The following SMIM8 variants were observed in gnomAD, a reference collection of about 807,000 sequenced individuals.
SMIM8 encodes the protein UPF0708 protein C6orf162.
In SMIM8, 8 loss-of-function variants were observed where a neutral mutation model predicts 8.1. That is an observed-to-expected ratio of 0.99 (90% CI 0.58 to 1.78). SMIM8 has a LOEUF of 1.78. Among genes scored for constraint, SMIM8 ranks in the 40% most tolerant of loss-of-function variants. SMIM8 has a pLI of 0.00. For synonymous variants in SMIM8, 45 were observed against 39.7 expected, an observed-to-expected ratio of 1.13 and a Z score of -0.50; for missense variants, 126 against 119.8, an observed-to-expected ratio of 1.05 and a Z score of -0.24.
intron 1 of SMIM8, among the ~76,000 whole-genome samples, chr6:87,329,464 G>A (rs952720576): frequency 1.3e-5 from 2 of 152,056 alleles, no homozygotes; most frequent in African/African-American, 4.8e-5. Flanking sequence ...TAGTAGAGAC[G>A]GGGTTTCACC....
intron 2 of SMIM8, among the ~76,000 whole-genome samples, chr6:87,334,069 A>G (rs973519901): frequency 2.3e-4 from 35 of 152,290 alleles, no homozygotes; most frequent in Non-Finnish European, 4.7e-4. Context: ...GAAGTGTCAC[A>G]CTTAAACAAC....
chr6:87,341,608 G>A lies in SMIM8; in HGVS notation c.*1334G>A. 3.7e-6 allele frequency: 1 copy of A among 272,146 alleles called. No individual in the cohort carries two copies. Among genetic ancestry groups the A allele is most frequent in the Non-Finnish European group, 6.8e-6 (1 of 147,288 alleles). 16.9% of individuals were successfully genotyped at this position (272,146 alleles called of 1,614,324 possible). A position where few individuals can be genotyped will look rare whatever the true frequency, so the allele number is the denominator to read the frequency against. On this transcript the variant is annotated 3_prime_UTR_variant, in exon 4 of 4. Transcript: ENST00000392863. ...AAGTAATAATAACAGCACAGGCAGAGTTTATCATAATGTTATTTTTAATTT... is the reference window on the plus strand; with the variant it reads ...AAGTAATAATAACAGCACAGGCAGAATTTATCATAATGTTATTTTTAATTT...
At chr6:87,336,461 A>G (rs1438704749) in intron 2 of SMIM8, among the ~76,000 whole-genome samples, 1 of 152,192 alleles carries the variant, frequency 6.6e-6, no homozygotes, top group Non-Finnish European at 1.5e-5. Context: ...GTAAGTACAA[A>G]CAGCTCCTTA....
At chr6:87,329,814 G>T (rs548898668) in intron 1 of SMIM8, among the ~76,000 whole-genome samples, 23 of 152,226 alleles carry the variant, frequency 1.5e-4, no homozygotes, top group Non-Finnish European at 3.1e-4. Context: ...ACATCTCCTT[G>T]GGTCTGGGTT....
At chr6:87,327,679 C>T (rs1776862977) in intron 1 of SMIM8, among the ~76,000 whole-genome samples, 2 of 149,698 alleles carry the variant, frequency 1.3e-5, no homozygotes, top group African/African-American at 4.9e-5. Context: ...TCTCTGGCTG[C>T]CCTTAACATT....
chr6:87,325,750 G>A (rs570336762), intron 1 of SMIM8, among the ~76,000 whole-genome samples: 21 of 152,236 alleles, frequency 1.4e-4, no homozygotes, highest in African/African-American at 3.9e-4. Flanking sequence ...GTCTCTGCCC[G>A]GCTTTCATAT....
intron 3 of SMIM8, among the ~76,000 whole-genome samples, chr6:87,337,638 G>A (rs1777141438): frequency 6.6e-6 from 1 of 152,146 alleles, no homozygotes; most frequent in Admixed American, 6.6e-5. Context: ...TTGATTTGAT[G>A]ATATTCATTT....
rs1777244278 is a variant in SMIM8 at position 87,341,894 on chromosome 6, C to A, written c.*1620C>A. ...TTTTGGCTATCACAAAACTAGGGTT[C>A]TTCTGTTTTTAACTTATGCATTTAA... On this transcript the variant is annotated 3_prime_UTR_variant, in exon 4 of 4. Coordinates refer to ENST00000392863, the MANE Select transcript of SMIM8 (RefSeq NM_001042493.3). The A allele has an allele frequency of 6.6e-6, 1 of 152,098 alleles. No individual in the cohort carries two copies. The highest frequency in any genetic ancestry group is 2.4e-5 in the African/African-American group (1 of 41,420). The allele number at this position is 152,098 out of a possible 1,614,324, so 9.4% of individuals were successfully genotyped here.
rs1399444799 is a variant in SMIM8, at chr6:87,340,275, T to C, written c.*1T>C. On this transcript the variant is annotated 3_prime_UTR_variant, in exon 4 of 4. Transcript: ENST00000392863. The stretch of plus-strand genomic sequence containing the variant: ...GCGGAAAACATCCAAATGGGATTAG[T>C]AGTGCTGGTTAGTGCAGATGGACCT... The C allele has an allele frequency of 6.3e-6, 10 of 1,578,238 alleles. No homozygotes were observed. The South Asian group carries it at 1.2e-4, about 19-fold the overall frequency.
At chr6:87,336,072 G>T (rs1777108813) in intron 2 of SMIM8, among the ~76,000 whole-genome samples, 2 of 152,102 alleles carry the variant, frequency 1.3e-5, no homozygotes, top group African/African-American at 4.8e-5. Context: ...GTGTGTTTAA[G>T]TATGAATGTT....
chr6:87,340,161 G>T lies in SMIM8; in HGVS notation c.181G>T (p.Val61Leu), dbSNP rs755461432. 1 of 1,603,484 alleles carries T rather than the reference G, an allele frequency of 6.2e-7. No individual in the cohort carries two copies. The highest frequency in any genetic ancestry group is 8.5e-7 in the Non-Finnish European group (1 of 1,176,326). The change falls in exon 4 of 4, where the codon GTG becomes TTG. Residue 61 changes from valine (V) to leucine (L), a missense_variant. By Grantham distance (32) the Val-to-Leu change is conservative. Transcript: ENST00000392863. Reference protein sequence around the residue: ...AFGLVTLSLCVAYIGYLHAIQ... With the variant: ...AFGLVTLSLCLAYIGYLHAIQ... ...CGGATTGGTAACTCTTTCACTTTGCGTGGCATATATTGGTTATCTACATGC... is the reference window on the plus strand; with the variant it reads ...CGGATTGGTAACTCTTTCACTTTGCTTGGCATATATTGGTTATCTACATGC...
At chr6:87,334,055 GGAA>G (rs942059612) in intron 2 of SMIM8, among the ~76,000 whole-genome samples, 2 of 152,118 alleles carry the variant, frequency 1.3e-5, no homozygotes, top group African/African-American at 4.8e-5. Flanking sequence ...AAGAGGGAGG[GGAA>G]GAAGTGTCAC....
intron 3 of SMIM8, among the ~76,000 whole-genome samples, chr6:87,338,224 G>C (rs1777154077): frequency 1.3e-5 from 2 of 152,112 alleles, no homozygotes; most frequent in Non-Finnish European, 2.9e-5. Context: ...AAGTGAAAAA[G>C]TTTGACCCTT....
Position 87,328,976 on chromosome 6 carries a change from C to G in SMIM8, c.-44-1716C>G, listed in dbSNP as rs151199208. Reference sequence around the variant, plus strand: ...GTGGTGCGCCATTTTTTAAGCCCGTCGGAAAAGCGCAGGATTCGGGTGGGA... The same window carrying G: ...GTGGTGCGCCATTTTTTAAGCCCGTGGGAAAAGCGCAGGATTCGGGTGGGA... On this transcript the variant is annotated intron_variant, in intron 1 of 3. Transcript: ENST00000392863. 9.5e-3 allele frequency among the ~76,000 whole-genome samples: 1,444 copies of G among 152,290 alleles called. 20 individuals carry two copies. Among genetic ancestry groups the G allele is most frequent in the African/African-American group, 0.033 (1,360 of 41,552 alleles).
At chr6:87,333,907 G>T (rs1302391892) in intron 2 of SMIM8, among the ~76,000 whole-genome samples, 2 of 152,210 alleles carry the variant, frequency 1.3e-5, no homozygotes, top group Admixed American at 6.5e-5. Flanking sequence ...AAGCAAAGAG[G>T]TTTAATTGGC....
chr6:87,325,842 T>A (rs568256550), intron 1 of SMIM8, among the ~76,000 whole-genome samples: 8 of 152,364 alleles, frequency 5.3e-5, no homozygotes, highest in African/African-American at 1.9e-4. Context: ...GAAGGAATGG[T>A]ACCAGTTCCT....
At position 87,340,507 on chromosome 6, in the gene SMIM8, T is replaced by C. The variant is rs1777204994; in HGVS notation, c.*233T>C. On this transcript the variant is annotated 3_prime_UTR_variant, in exon 4 of 4. Transcript: ENST00000392863. ...AATATTTTTCTTTCCTTACCTCTTA[T>C]AAAAGTGCCATGAGAATGGAAGTTG... 3.3e-6 allele frequency: 1 copy of C among 303,262 alleles called. No homozygotes were observed. The highest frequency in any genetic ancestry group is 5.9e-6 in the Non-Finnish European group (1 of 168,090). The allele number at this position is 303,262 out of a possible 1,614,324, so 18.8% of individuals were successfully genotyped here. A position where few individuals can be genotyped will look rare whatever the true frequency, so the allele number is the denominator to read the frequency against.
At chr6:87,326,339 G>T (rs140822293) in intron 1 of SMIM8, among the ~76,000 whole-genome samples, 1,879 of 152,208 alleles carry the variant, frequency 0.012, 40 homozygotes, top group African/African-American at 0.042. Context: ...TGCTTTTCTA[G>T]TTCTCTTAAT....
chr6:87,324,663 G>T (rs1776770626), intron 1 of SMIM8, among the ~76,000 whole-genome samples: 1 of 150,500 alleles, frequency 6.6e-6, no homozygotes, highest in African/African-American at 2.4e-5. Flanking sequence ...TGCTGTTTTG[G>T]TTACTGTAGC....
Sources: gnomAD v4.1 joint callset for allele counts (sites outside exome capture counted in the v4.1 genomes callset) on GRCh38, gnomAD v4.1.1 for gene constraint, MANE v1.5 for transcripts, NCBI Gene and HGNC (gene_info 2026-07-23, HGNC 2026-07-21) for gene names.